The following SPNS2 variants were observed in gnomAD, a reference collection of about 807,000 sequenced individuals.
SPNS2 encodes the protein SPNS lysolipid transporter 2, sphingosine-1-phosphate.
Under a neutral mutation model 57.6 loss-of-function variants are expected in SPNS2, and 37 were observed. The ratio of observed to expected loss-of-function variants is 0.64; its 90% CI spans 0.49 to 0.85. The LOEUF is 0.85. SPNS2 is among the 40% of genes least tolerant of loss of function. The probability of loss-of-function intolerance (pLI) is 0.00; values close to 1 mark genes in which losing one functional copy is unlikely to be tolerated. For synonymous variants in SPNS2, 440 were observed against 346.9 expected (o/e 1.27, Z -2.98); for missense variants, 831 against 779.1 (o/e 1.07, Z -0.79).
intron 1 of SPNS2, among the ~76,000 whole-genome samples, chr17:4,506,629 A>T (rs997708855): frequency 2.0e-5 from 3 of 151,992 alleles, no homozygotes; most frequent in Non-Finnish European, 4.4e-5. Context: ...AGCAGGGAGG[A>T]GGGGGACACT....
At chr17:4,533,957 A>T (rs1905629545) in intron 9 of SPNS2, 104 bp downstream of exon 9, 2 of 1,097,070 alleles carry the variant, frequency 1.8e-6, no homozygotes, top group African/African-American at 3.0e-5. Flanking sequence ...AGCTGGTAGG[A>T]AGGCAGGCCT....
intron 1 of SPNS2, among the ~76,000 whole-genome samples, chr17:4,506,182 T>C (rs1045724982): frequency 2.0e-5 from 3 of 152,156 alleles, no homozygotes; most frequent in African/African-American, 7.2e-5. Flanking sequence ...CCCGCTCACC[T>C]TCTGCACGTC....
At chr17:4,520,744 T>C (rs1905118765) in intron 2 of SPNS2, among the ~76,000 whole-genome samples, 1 of 152,158 alleles carries the variant, frequency 6.6e-6, no homozygotes. Flanking sequence ...GCAAGGACTC[T>C]GGAGTCTGCC....
At chr17:4,517,591 G>A (rs984156576) in intron 2 of SPNS2, among the ~76,000 whole-genome samples, 1 of 152,148 alleles carries the variant, frequency 6.6e-6, no homozygotes, top group African/African-American at 2.4e-5. Flanking sequence ...AAGAGGTGGA[G>A]GTTGCAGTGA....
chr17:4,539,019 T>C lies in SPNS2; in HGVS notation c.*1571T>C. ...TATATTCCTCTTGTAAATGAAGAAA[T>C]AAACCTATTTAAATCACCCCCTGGT... On this transcript the variant is annotated 3_prime_UTR_variant, in exon 13 of 13. Coordinates refer to ENST00000329078, the MANE Select transcript of SPNS2 (RefSeq NM_001124758.3). The C allele has an allele frequency of 1.2e-6, 1 of 832,830 alleles. No individual in the cohort carries two copies. Among genetic ancestry groups the C allele is most frequent in the African/African-American group, 1.7e-5 (1 of 60,022 alleles). 51.6% of individuals were successfully genotyped at this position (832,830 alleles called of 1,614,324 possible).
chr17:4,534,955 T>C (rs1905702203), intron 9 of SPNS2, among the ~76,000 whole-genome samples: 1 of 152,018 alleles, frequency 6.6e-6, no homozygotes, highest in South Asian at 2.1e-4. Context: ...AGTGTAACAG[T>C]TTATTCCTGC....
In SPNS2 at chr17:4,533,768, C is replaced by T. The variant is rs2144371868; in HGVS notation, c.1279-20C>T. 1 of 1,613,536 alleles carries T rather than the reference C, an allele frequency of 6.2e-7. No individual in the cohort carries two copies. The highest frequency in any genetic ancestry group is 2.2e-5 in the East Asian group (1 of 44,884). On this transcript the variant is annotated intron_variant, in intron 8 of 12. Coordinates refer to ENST00000329078, the MANE Select transcript of SPNS2 (RefSeq NM_001124758.3). Reference sequence around the variant, plus strand: ...CGGATGGAGGGACCGCTGATGGTGGCTTTGCCTTCTCCCCGGCAGATCTGT... The same window carrying T: ...CGGATGGAGGGACCGCTGATGGTGGTTTTGCCTTCTCCCCGGCAGATCTGT...
rs1340785389 is a variant in SPNS2 at position 4,537,747 on chromosome 17, A to G, written c.*299A>G. The G allele has an allele frequency of 2.2e-6, 1 of 456,582 alleles. No homozygotes were observed. Among genetic ancestry groups the G allele is most frequent in the Admixed American group, 2.3e-5 (1 of 42,578 alleles). The allele number at this position is 456,582 out of a possible 1,614,324, so 28.3% of individuals were successfully genotyped here. A position where few individuals can be genotyped will look rare whatever the true frequency, so the allele number is the denominator to read the frequency against. ...GACAGCCCCAAGTGGGTGTCCGGGG[A>G]GAGCCTGGCCTGCCACCAGCTTATG... On this transcript the variant is annotated 3_prime_UTR_variant, in exon 13 of 13. Coordinates refer to ENST00000329078, the MANE Select transcript of SPNS2 (RefSeq NM_001124758.3).
Position 4,537,928 on chromosome 17 carries a change from T to C in SPNS2, c.*480T>C, listed in dbSNP as rs1208003471. 5 of 392,850 alleles carry C rather than the reference T, an allele frequency of 1.3e-5. No homozygotes were observed. Among genetic ancestry groups the C allele is most frequent in the Middle Eastern group, 3.6e-4 (1 of 2,752 alleles). 24.3% of individuals were successfully genotyped at this position (392,850 alleles called of 1,614,324 possible). ...GGTGGCCCAGGCCTCAGGGCGGCAGTCCCGGCTTTGAGGCTCACGCGAGGG... is the reference window on the plus strand; with the variant it reads ...GGTGGCCCAGGCCTCAGGGCGGCAGCCCCGGCTTTGAGGCTCACGCGAGGG... On this transcript the variant is annotated 3_prime_UTR_variant, in exon 13 of 13. Coordinates refer to ENST00000329078, the MANE Select transcript of SPNS2 (RefSeq NM_001124758.3).
chr17:4,536,852 C>A (rs555446764), intron 11 of SPNS2, 48 bp from the exon 12 acceptor site: 2 of 1,529,442 alleles, frequency 1.3e-6, no homozygotes, highest in South Asian at 2.2e-5. Flanking sequence ...TGCCCGGGCC[C>A]GGCCCCCGCT....
intron 9 of SPNS2, 98 bp downstream of exon 9, chr17:4,533,951 G>A (rs1905629154): frequency 1.8e-6 from 2 of 1,135,440 alleles, no homozygotes; most frequent in African/African-American, 1.5e-5. Flanking sequence ...CGGGAGAGCT[G>A]GTAGGAAGGC....
intron 2 of SPNS2, 117 bp from the exon 3 acceptor site, chr17:4,524,940 G>C: frequency 6.9e-7 from 1 of 1,454,114 alleles, no homozygotes; most frequent in Non-Finnish European, 9.3e-7. Flanking sequence ...TTCCTCTCTG[G>C]GCTGCTTCCT....
chr17:4,536,695 A>G, intron 11 of SPNS2: 1 of 629,266 alleles, frequency 1.6e-6, no homozygotes, highest in Non-Finnish European at 2.8e-6. Context: ...CCTTCCTCTT[A>G]CTTTCTGACT....
At chr17:4,533,486 G>A (rs1905599574) in intron 8 of SPNS2, 54 bp downstream of exon 8, 6 of 1,525,668 alleles carry the variant, frequency 3.9e-6, no homozygotes, top group South Asian at 1.2e-5. Flanking sequence ...GGCCGCGGGA[G>A]GGTCTGGAAC....
chr17:4,533,932 G>C, intron 9 of SPNS2, 79 bp downstream of exon 9: 3 of 916,438 alleles, frequency 3.3e-6, no homozygotes, highest in South Asian at 2.6e-5. Flanking sequence ...GGGAGGGCGG[G>C]TGAAGGGGCG....
intron 1 of SPNS2, among the ~76,000 whole-genome samples, chr17:4,500,494 C>T (rs2144296282): frequency 6.6e-6 from 1 of 152,170 alleles, no homozygotes; most frequent in Non-Finnish European, 1.5e-5. Flanking sequence ...GGAAGGGGCT[C>T]CCTGCAGGAG....
intron 1 of SPNS2, among the ~76,000 whole-genome samples, chr17:4,502,854 A>G (rs899454): frequency 0.86 from 131,022 of 152,032 alleles, 56,719 homozygotes; most frequent in East Asian, 1. Context: ...ACACCTTTGC[A>G]AGCCCCTCCC....
intron 2 of SPNS2, among the ~76,000 whole-genome samples, chr17:4,516,745 T>C (rs565786233): frequency 1.3e-5 from 2 of 152,238 alleles, no homozygotes; most frequent in East Asian, 3.9e-4. Context: ...CAAGAAAACA[T>C]GTTGAAATTA....
chr17:4,531,210 G>C (rs1905454715), intron 5 of SPNS2, 91 bp downstream of exon 5: 1 of 1,244,672 alleles, frequency 8.0e-7, no homozygotes, highest in African/African-American at 1.5e-5. Context: ...TAGGACCTAG[G>C]CCTCCAGGAT....
Sources: allele counts gnomAD v4.1 joint callset (sites outside exome capture counted in the v4.1 genomes callset), GRCh38; gene constraint gnomAD v4.1.1; transcripts MANE v1.5; gene names NCBI Gene and HGNC (gene_info 2026-07-23, HGNC 2026-07-21).